SPMIP2: variants seen among roughly 807,000 people sequenced by gnomAD.
SPMIP2 encodes the protein sperm microtubule inner protein 2, also known as protein SPMIP2.
At chr4:159,066,297 TG>T in the SPMIP2 span, among the ~76,000 whole-genome samples, 1 of 151,994 alleles carries the variant, frequency 6.6e-6, no homozygotes, top group East Asian at 1.9e-4. Context: ...TGGTGAGTAT[TG>T]GAGTTATGGA....
chr4:158,946,303 C>T, the SPMIP2 span, among the ~76,000 whole-genome samples: 1 of 152,160 alleles, frequency 6.6e-6, no homozygotes, highest in Non-Finnish European at 1.5e-5. Context: ...AATGACATCT[C>T]GTCTGTTTGC....
chr4:158,932,494 A>AGAAT, the SPMIP2 span, among the ~76,000 whole-genome samples: 1 of 152,184 alleles, frequency 6.6e-6, no homozygotes, highest in African/African-American at 2.4e-5. Flanking sequence ...ACATACATAC[A>AGAAT]GAATAAATAA....
the SPMIP2 span, among the ~76,000 whole-genome samples, chr4:158,996,399 A>G: frequency 2.0e-5 from 3 of 152,346 alleles, no homozygotes; most frequent in Admixed American, 6.5e-5. Context: ...ATAAATGTGC[A>G]TGGTATAGTC....
the SPMIP2 span, among the ~76,000 whole-genome samples, chr4:159,070,466 C>T: frequency 3.9e-5 from 6 of 152,146 alleles, no homozygotes; most frequent in Non-Finnish European, 7.4e-5. Flanking sequence ...TAATAGTTCA[C>T]TAAGCTTTGA....
At chr4:159,063,312 A>G in the SPMIP2 span, among the ~76,000 whole-genome samples, 2 of 152,160 alleles carry the variant, frequency 1.3e-5, no homozygotes, top group African/African-American at 2.4e-5. Flanking sequence ...TAATCCCAGC[A>G]CTTTGGGAGA....
At chr4:159,054,288 C>T in the SPMIP2 span, among the ~76,000 whole-genome samples, 1 of 152,108 alleles carries the variant, frequency 6.6e-6, no homozygotes, top group Non-Finnish European at 1.5e-5. Flanking sequence ...AACCACGGTG[C>T]CCAGACTATT....
chr4:159,022,880 A>C, the SPMIP2 span, among the ~76,000 whole-genome samples: 2 of 151,756 alleles, frequency 1.3e-5, no homozygotes, highest in African/African-American at 4.8e-5. Context: ...AAATACAAAA[A>C]TTAGCTGGGC....
chr4:159,020,807 G>A, the SPMIP2 span, among the ~76,000 whole-genome samples: 1 of 152,138 alleles, frequency 6.6e-6, no homozygotes, highest in East Asian at 1.9e-4. Context: ...TGTTGCCCAG[G>A]CTGGAGTGCA....
the SPMIP2 span, among the ~76,000 whole-genome samples, chr4:159,028,334 AT>A: frequency 1.2e-4 from 18 of 151,522 alleles, no homozygotes; most frequent in African/African-American, 4.4e-4. Flanking sequence ...ATTTTTAAGT[AT>A]TTTTTTTTCC....
At chr4:158,919,831 C>T in the SPMIP2 span, among the ~76,000 whole-genome samples, 1 of 152,156 alleles carries the variant, frequency 6.6e-6, no homozygotes. Flanking sequence ...GCTTCTGTGT[C>T]CTTTTGACAT....
chr4:159,069,880 G>C, the SPMIP2 span, among the ~76,000 whole-genome samples: 2 of 152,080 alleles, frequency 1.3e-5, no homozygotes, highest in South Asian at 4.2e-4. Flanking sequence ...AACAAGAATG[G>C]CTTCCACCTG....
the SPMIP2 span, among the ~76,000 whole-genome samples, chr4:159,067,247 G>T: frequency 6.6e-6 from 1 of 152,118 alleles, no homozygotes; most frequent in Non-Finnish European, 1.5e-5. Context: ...CAACATATAG[G>T]TTTGAAAGGA....
the SPMIP2 span, among the ~76,000 whole-genome samples, chr4:159,023,841 C>T: frequency 5.3e-5 from 8 of 152,238 alleles, no homozygotes; most frequent in East Asian, 7.7e-4. Context: ...CTCAGGTCTC[C>T]GCTCCTCCAG....
the SPMIP2 span, among the ~76,000 whole-genome samples, chr4:158,975,568 T>C: frequency 6.6e-6 from 1 of 152,236 alleles, no homozygotes; most frequent in African/African-American, 2.4e-5. Flanking sequence ...CCTTTCCCCA[T>C]TGCTTGTTTT....
the SPMIP2 span, among the ~76,000 whole-genome samples, chr4:158,932,230 C>T: frequency 6.6e-6 from 1 of 152,244 alleles, no homozygotes; most frequent in South Asian, 2.1e-4. Context: ...AATTGTATGT[C>T]AAAGCCGGGT....
chr4:158,901,840 T>G, the SPMIP2 span, among the ~76,000 whole-genome samples: 1 of 151,892 alleles, frequency 6.6e-6, no homozygotes, highest in Admixed American at 6.6e-5. Context: ...CTCCATCAGG[T>G]CATTTATGTT....
the SPMIP2 span, among the ~76,000 whole-genome samples, chr4:158,989,173 AC>A: frequency 2.0e-5 from 3 of 152,196 alleles, no homozygotes; most frequent in African/African-American, 7.2e-5. Flanking sequence ...AATACAACTT[AC>A]AAGAGATGTG....
chr4:159,053,918 CAAAA>C, the SPMIP2 span, among the ~76,000 whole-genome samples: 1 of 139,732 alleles, frequency 7.2e-6, no homozygotes, highest in Non-Finnish European at 1.6e-5. Context: ...AAACTTGTCT[CAAAA>C]AAAAAAAAAG....
chr4:158,904,412 C>T, the SPMIP2 span: 1 of 1,409,586 alleles, frequency 7.1e-7, no homozygotes, highest in Non-Finnish European at 1.0e-6. Context: ...ATAATACTTT[C>T]TCATAAAACC....
Sources: gnomAD v4.1 joint callset for allele counts (sites outside exome capture counted in the v4.1 genomes callset) on GRCh38, gnomAD v4.1.1 for gene constraint, MANE v1.5 for transcripts, NCBI Gene and HGNC (gene_info 2026-07-23, HGNC 2026-07-21) for gene names.